Variants in ADAM23 observed in about 807,000 individuals in gnomAD.
ADAM23 encodes the protein ADAM metallopeptidase domain 23.
Under a neutral mutation model 120.1 loss-of-function variants are expected in ADAM23, and 33 were observed. That is an observed-to-expected ratio of 0.27 (90% confidence interval 0.21 to 0.37). The LOEUF is 0.37. Among genes scored for constraint, ADAM23 ranks in the 10% least tolerant of loss-of-function variants. The pLI is 1.00. For missense variants in ADAM23, 862 were observed against 1,058.2 expected (o/e 0.81, Z 2.57); for synonymous variants, 367 against 375.2 (o/e 0.98, Z 0.25).
intron 2 of ADAM23, among the ~76,000 whole-genome samples, chr2:206,451,633 T>C (rs538055597): frequency 6.6e-6 from 1 of 152,178 alleles, no homozygotes; most frequent in Non-Finnish European, 1.5e-5. Flanking sequence ...AGTTGAGATT[T>C]ATAGTTAGTA....
intron 15 of ADAM23, among the ~76,000 whole-genome samples, chr2:206,568,230 TTTA>T (rs1277009393): frequency 3.3e-5 from 5 of 152,156 alleles, no homozygotes; most frequent in African/African-American, 1.2e-4. Flanking sequence ...CACATACGTG[TTTA>T]TAATGCATTG....
chr2:206,517,650 C>T (rs1574509152), intron 3 of ADAM23, among the ~76,000 whole-genome samples: 1 of 152,246 alleles, frequency 6.6e-6, no homozygotes, highest in Middle Eastern at 3.4e-3. Context: ...TGCTAGACCA[C>T]AAGCTTCTGG....
intron 24 of ADAM23, chr2:206,607,833 T>A (rs1386568528): frequency 7.1e-6 from 2 of 283,220 alleles, no homozygotes; most frequent in Non-Finnish European, 1.4e-5. Context: ...CATTTCTTAG[T>A]TTAATTGATA....
rs1019406242 is a variant in ADAM23, at chr2:206,489,033, G to A, written c.509+7725G>A. Reference sequence around the variant, plus strand: ...GGCTAAATGTTTTTTTCAGCTCTGCGGATTTGGAGATTGAACTTAAATATG... The same window carrying A: ...GGCTAAATGTTTTTTTCAGCTCTGCAGATTTGGAGATTGAACTTAAATATG... On this transcript the variant is annotated intron_variant, in intron 3 of 25. Coordinates refer to ENST00000264377, the MANE Select transcript of ADAM23 (RefSeq NM_003812.4). 3.4e-4 allele frequency among the ~76,000 whole-genome samples: 52 copies of A among 152,204 alleles called. 1 individual carries two copies. The highest frequency in any genetic ancestry group is 6.5e-5 in the Admixed American group (1 of 15,280).
chr2:206,469,480 C>G (rs1162296037), intron 2 of ADAM23, among the ~76,000 whole-genome samples: 1 of 152,162 alleles, frequency 6.6e-6, no homozygotes, highest in Non-Finnish European at 1.5e-5. Context: ...CCCCTATCAC[C>G]TCCTACCTGG....
intron 2 of ADAM23, among the ~76,000 whole-genome samples, chr2:206,458,413 T>G (rs1252837076): frequency 6.6e-6 from 1 of 152,246 alleles, no homozygotes; most frequent in Non-Finnish European, 1.5e-5. Context: ...AGGGTCTTTC[T>G]GGTTGTATGG....
At chr2:206,522,413 T>C (rs1341378936) in intron 3 of ADAM23, among the ~76,000 whole-genome samples, 3 of 152,120 alleles carry the variant, frequency 2.0e-5, no homozygotes, top group African/African-American at 7.2e-5. Flanking sequence ...CTAGGAAGAA[T>C]AGAACACCAT....
intron 19 of ADAM23, among the ~76,000 whole-genome samples, 188 bp downstream of exon 19, chr2:206,587,563 A>C (rs2105845256): frequency 6.9e-6 from 1 of 145,206 alleles, no homozygotes; most frequent in Middle Eastern, 3.5e-3. Context: ...TCTGGTGACA[A>C]ATTGTCCAGA....
At chr2:206,610,143 G>T in intron 25 of ADAM23, 143 bp downstream of exon 25, 1 of 697,006 alleles carries the variant, frequency 1.4e-6, no homozygotes, top group South Asian at 2.4e-5. Flanking sequence ...TCAGAAATGG[G>T]TTAGAAATGA....
intron 9 of ADAM23, among the ~76,000 whole-genome samples, chr2:206,556,298 A>G (rs560058119): frequency 6.6e-6 from 1 of 152,302 alleles, no homozygotes; most frequent in East Asian, 1.9e-4. Flanking sequence ...TTCTTTGTTT[A>G]AAAAACATAG....
At chr2:206,543,849 A>G (rs891085111) in intron 6 of ADAM23, among the ~76,000 whole-genome samples, 1 of 152,338 alleles carries the variant, frequency 6.6e-6, no homozygotes. Flanking sequence ...ATGGAATTGG[A>G]GACTATTACT....
At chr2:206,534,519 C>G (rs1262784799) in intron 4 of ADAM23, among the ~76,000 whole-genome samples, 2 of 152,012 alleles carry the variant, frequency 1.3e-5, no homozygotes, top group East Asian at 3.9e-4. Context: ...AAGATCCACC[C>G]TCTTAGCATG....
intron 15 of ADAM23, 102 bp downstream of exon 15, chr2:206,567,424 C>G: frequency 1.2e-6 from 1 of 861,570 alleles, no homozygotes; most frequent in African/African-American, 1.7e-5. Flanking sequence ...AAGCAGGTTT[C>G]TTGTCAATCA....
At chr2:206,567,750 C>G (rs1400303088) in intron 15 of ADAM23, among the ~76,000 whole-genome samples, 3 of 152,164 alleles carry the variant, frequency 2.0e-5, no homozygotes, top group Non-Finnish European at 4.4e-5. Context: ...CATTTTCACA[C>G]TGCTATAAAG....
At chr2:206,550,349 C>T (rs1697488370) in intron 9 of ADAM23, among the ~76,000 whole-genome samples, 189 bp downstream of exon 9, 1 of 152,020 alleles carries the variant, frequency 6.6e-6, no homozygotes, top group Non-Finnish European at 1.5e-5. Flanking sequence ...CTAAACTTTC[C>T]TTACATTTAA....
intron 9 of ADAM23, among the ~76,000 whole-genome samples, chr2:206,555,385 G>T (rs1476655877): frequency 6.6e-6 from 1 of 152,054 alleles, no homozygotes; most frequent in African/African-American, 2.4e-5. Flanking sequence ...ACATCATCCA[G>T]TCGTGGGAGC....
At chr2:206,491,981 C>T (rs3845807) in intron 3 of ADAM23, among the ~76,000 whole-genome samples, 77,941 of 151,968 alleles carry the variant, frequency 0.51, 20,033 homozygotes, top group Middle Eastern at 0.57. Flanking sequence ...TGAATGATTC[C>T]GAGCACTTTT....
chr2:206,543,211 T>C, intron 5 of ADAM23, 42 bp from the exon 6 acceptor site: 1 of 1,570,410 alleles, frequency 6.4e-7, no homozygotes, highest in African/African-American at 1.4e-5. Context: ...CCATTTCCTG[T>C]GTTTGTTTAT....
At chr2:206,520,046 A>G (rs1696812317) in intron 3 of ADAM23, among the ~76,000 whole-genome samples, 2 of 152,138 alleles carry the variant, frequency 1.3e-5, no homozygotes, top group African/African-American at 4.8e-5. Flanking sequence ...GAGCAAGATT[A>G]TCATCTCTAA....
Sources: allele counts gnomAD v4.1 joint callset (sites outside exome capture counted in the v4.1 genomes callset), GRCh38; gene constraint gnomAD v4.1.1; transcripts MANE v1.5; gene names NCBI Gene and HGNC (gene_info 2026-07-23, HGNC 2026-07-21).